Variants in SLC39A10 observed in about 807,000 individuals in gnomAD.
SLC39A10 encodes zinc transporter ZIP10.
A neutral mutation model predicts 65.1 loss-of-function variants in SLC39A10; 13 were observed. The ratio of observed to expected loss-of-function variants is 0.20; its 90% CI spans 0.13 to 0.32. SLC39A10 has a LOEUF of 0.32. SLC39A10 is among the 10% of genes least tolerant of loss of function. The pLI is 1.00. For missense variants in SLC39A10, 831 were observed against 1,018.4 expected (o/e 0.82, Z 2.50); for synonymous variants, 321 against 342.2 (o/e 0.94, Z 0.68).
chr2:195,643,673 A>T (rs887679191), intron 2 of SLC39A10, among the ~76,000 whole-genome samples: 3 of 152,136 alleles, frequency 2.0e-5, no homozygotes, highest in Non-Finnish European at 4.4e-5. Flanking sequence ...AGGAGGAGAA[A>T]CTGGAACCTT....
intron 2 of SLC39A10, among the ~76,000 whole-genome samples, chr2:195,642,319 G>A (rs748832244): frequency 3.3e-5 from 5 of 152,192 alleles, no homozygotes; most frequent in Non-Finnish European, 5.9e-5. Context: ...TAACAGAATT[G>A]TAAGAGAATT....
Position 195,645,225 on chromosome 2 carries a change from T to TA in SLC39A10, c.-11-34794dup, listed in dbSNP as rs879534399. On this transcript the variant is annotated intron_variant, in intron 2 of 2. Transcript: ENST00000458054. ...CGCCTGGCCATCTAACTACTTTATT[T>TA]AAAAAAAAAAAAATGAGTGCTGGGC... Among the ~76,000 whole-genome samples, 869 of 145,110 alleles carry TA rather than the reference T, an allele frequency of 6.0e-3. 10 individuals are homozygous for TA. The highest frequency in any genetic ancestry group is 0.016 in the African/African-American group (624 of 39,830).
intron 6 of SLC39A10, among the ~76,000 whole-genome samples, chr2:195,714,910 G>A (rs1257965715): frequency 4.6e-5 from 7 of 151,762 alleles, no homozygotes; most frequent in Non-Finnish European, 8.8e-5. Flanking sequence ...CCGCCATCAC[G>A]CCCGTCTAAT....
At chr2:195,620,743 C>T (rs73072021) in intron 2 of SLC39A10, among the ~76,000 whole-genome samples, 1 of 152,044 alleles carries the variant, frequency 6.6e-6, no homozygotes, top group East Asian at 1.9e-4. Flanking sequence ...AAACAATGTA[C>T]GGGAGTTGTT....
chr2:195,634,628 A>G (rs1688661553), intron 2 of SLC39A10, among the ~76,000 whole-genome samples: 1 of 152,226 alleles, frequency 6.6e-6, no homozygotes, highest in Admixed American at 6.5e-5. Context: ...TGTATGAGTA[A>G]AGATGCTTTC....
intron 2 of SLC39A10, among the ~76,000 whole-genome samples, chr2:195,646,210 T>A (rs577735874): frequency 6.6e-6 from 1 of 152,310 alleles, no homozygotes; most frequent in South Asian, 2.1e-4. Flanking sequence ...CCTCCCAAAG[T>A]GTTGGGATTA....
chr2:195,625,273 CTTTTTTTT>C (rs1322529877), intron 2 of SLC39A10, among the ~76,000 whole-genome samples: 4 of 133,350 alleles, frequency 3.0e-5, no homozygotes, highest in Non-Finnish European at 6.5e-5. Flanking sequence ...AACTTTTTTT[CTTTTTTTT>C]TCTTTTTTTT....
At chr2:195,653,109 T>C (rs1426660030), upstream of SLC39A10, among the ~76,000 whole-genome samples, 1 of 152,162 alleles carries the variant, frequency 6.6e-6, no homozygotes, top group Non-Finnish European at 1.5e-5. Context: ...AGAATGTAGA[T>C]GTTTCCCACA....
At position 195,737,195 on chromosome 2, in the gene SLC39A10, C is replaced by CTAATG. The variant is rs1210933648; in HGVS notation, c.*2157_*2161dup. 6.6e-6 allele frequency: 1 copy of CTAATG among 152,610 alleles called. No homozygotes were observed. Among genetic ancestry groups the CTAATG allele is most frequent in the African/African-American group, 2.4e-5 (1 of 41,438 alleles). The allele number at this position is 152,610 out of a possible 1,614,324, so 9.5% of individuals were successfully genotyped here. A position where few individuals can be genotyped will look rare whatever the true frequency, so the allele number is the denominator to read the frequency against. On this transcript the variant is annotated 3_prime_UTR_variant, in exon 10 of 10. Coordinates refer to ENST00000359634, the MANE Select transcript of SLC39A10 (RefSeq NM_020342.3). ...GCTAGTATTAGGGTTCCACATCATT[C>CTAATG]TAATGTATAGTTTCAAGTCTTAATA...
intron 1 of SLC39A10, among the ~76,000 whole-genome samples, chr2:195,666,664 G>A (rs1363007263): frequency 6.6e-6 from 1 of 152,192 alleles, no homozygotes; most frequent in East Asian, 1.9e-4. Context: ...GTTTGGCCAT[G>A]TTGCTCAGGA....
chr2:195,702,262 A>G (rs532715766), intron 3 of SLC39A10, among the ~76,000 whole-genome samples: 1 of 152,266 alleles, frequency 6.6e-6, no homozygotes, highest in South Asian at 2.1e-4. Flanking sequence ...CAGAGTACAG[A>G]TCCTCAATAT....
intron 3 of SLC39A10, among the ~76,000 whole-genome samples, chr2:195,697,068 A>T (rs1690994470): frequency 6.6e-6 from 1 of 152,238 alleles, no homozygotes; most frequent in East Asian, 1.9e-4. Context: ...CTGAGGACAG[A>T]GGTGGAAGAG....
chr2:195,638,564 G>A (rs199909658), intron 2 of SLC39A10, among the ~76,000 whole-genome samples: 3 of 151,470 alleles, frequency 2.0e-5, no homozygotes, highest in Non-Finnish European at 2.9e-5. Context: ...GGCTGGTCTC[G>A]AACTCCTGAC....
intron 9 of SLC39A10, among the ~76,000 whole-genome samples, chr2:195,730,154 G>T (rs1692388865): frequency 6.6e-6 from 1 of 151,588 alleles, no homozygotes; most frequent in Non-Finnish European, 1.5e-5. Flanking sequence ...ACCTAAGCAG[G>T]TTTTCCCCCT....
chr2:195,707,928 A>G (rs936498500), intron 4 of SLC39A10, among the ~76,000 whole-genome samples: 1 of 152,208 alleles, frequency 6.6e-6, no homozygotes, highest in Admixed American at 6.5e-5. Flanking sequence ...CTTATGTTCT[A>G]TAAGATTACT....
At chr2:195,616,256 G>C (rs1259745411) in intron 2 of SLC39A10, among the ~76,000 whole-genome samples, 1 of 152,022 alleles carries the variant, frequency 6.6e-6, no homozygotes, top group South Asian at 2.1e-4. Flanking sequence ...TGCCCAGCCA[G>C]ATCTAGGAGA....
chr2:195,639,381 A>T (rs1688757294), intron 2 of SLC39A10, among the ~76,000 whole-genome samples: 1 of 152,150 alleles, frequency 6.6e-6, no homozygotes, highest in African/African-American at 2.4e-5. Flanking sequence ...TTTTCATCAC[A>T]TTGTATCAGA....
intron 2 of SLC39A10, among the ~76,000 whole-genome samples, chr2:195,627,563 C>G (rs1688500224): frequency 6.6e-6 from 1 of 152,176 alleles, no homozygotes; most frequent in African/African-American, 2.4e-5. Context: ...CTGTTTCACT[C>G]TCCATGGAGC....
intron 2 of SLC39A10, among the ~76,000 whole-genome samples, chr2:195,645,725 G>C (rs559506898): frequency 2.0e-4 from 31 of 152,212 alleles, no homozygotes; most frequent in African/African-American, 7.0e-4. Context: ...ACTTAGCATA[G>C]TGTTTTTAAG....
Sources: gnomAD v4.1 joint callset for allele counts (sites outside exome capture counted in the v4.1 genomes callset) on GRCh38, gnomAD v4.1.1 for gene constraint, MANE v1.5 for transcripts, NCBI Gene and HGNC (gene_info 2026-07-23, HGNC 2026-07-21) for gene names.